The following RGS7BP variants were observed in gnomAD, a reference collection of about 807,000 sequenced individuals.
RGS7BP encodes the protein regulator of G protein signaling 7 binding protein.
In RGS7BP, 9 loss-of-function variants were observed where a neutral mutation model predicts 31.3. That is an observed-to-expected ratio of 0.29 (90% CI 0.17 to 0.50). The LOEUF (loss-of-function observed/expected upper bound fraction) is 0.50. Among genes scored for constraint, RGS7BP ranks in the 20% least tolerant of loss-of-function variants. The pLI is 0.98. For synonymous variants in RGS7BP, 115 were observed against 120.1 expected (o/e 0.96, Z 0.28); for missense variants, 274 against 322.0 (o/e 0.85, Z 1.14).
intron 3 of RGS7BP, among the ~76,000 whole-genome samples, chr5:64,576,422 A>G (rs1347539402): frequency 6.6e-6 from 1 of 152,230 alleles, no homozygotes; most frequent in African/African-American, 2.4e-5. Flanking sequence ...TCATGGCTTC[A>G]GCATGATTTC....
At chr5:64,575,627 T>G in intron 2 of RGS7BP, 147 bp from the exon 3 acceptor site, 1 of 1,341,090 alleles carries the variant, frequency 7.5e-7, no homozygotes, top group Non-Finnish European at 9.6e-7. Flanking sequence ...ACATTGGTCA[T>G]TGGTTTGAAA....
At position 64,575,614 on chromosome 5, in the gene RGS7BP, G is replaced by A. The variant is rs1334381895; in HGVS notation, c.333-160G>A. Reference sequence around the variant, plus strand: ...TCAGAAAGAGACTTACATAAGAACTGTCACATTGGTCATTGGTTTGAAAGC... The same window carrying A: ...TCAGAAAGAGACTTACATAAGAACTATCACATTGGTCATTGGTTTGAAAGC... On this transcript the variant is annotated intron_variant, in intron 2 of 5. Coordinates refer to ENST00000334025, the MANE Select transcript of RGS7BP (RefSeq NM_001029875.3). The A allele has an allele frequency of 2.3e-6, 3 of 1,312,186 alleles. No homozygotes were observed. The African/African-American group carries it at 4.6e-5, about 20-fold the overall frequency. 81.3% of individuals were successfully genotyped at this position (1,312,186 alleles called of 1,614,324 possible). A position where few individuals can be genotyped will look rare whatever the true frequency, so the allele number is the denominator to read the frequency against.
At chr5:64,528,964 A>G (rs1220114215) in intron 2 of RGS7BP, among the ~76,000 whole-genome samples, 1 of 152,146 alleles carries the variant, frequency 6.6e-6, no homozygotes, top group African/African-American at 2.4e-5. Flanking sequence ...GCCAGCTATT[A>G]TTATTATTAC....
intron 1 of RGS7BP, among the ~76,000 whole-genome samples, chr5:64,507,234 G>A (rs1205344336): frequency 1.3e-5 from 2 of 152,188 alleles, no homozygotes; most frequent in African/African-American, 2.4e-5. Flanking sequence ...CCGTCAGGCC[G>A]TCAGGCCGAG....
At chr5:64,579,097 C>T (rs1424437883) in intron 3 of RGS7BP, among the ~76,000 whole-genome samples, 3 of 152,134 alleles carry the variant, frequency 2.0e-5, no homozygotes, top group African/African-American at 7.2e-5. Context: ...TCTTGTGTTT[C>T]CAGAATGCAA....
intron 3 of RGS7BP, among the ~76,000 whole-genome samples, chr5:64,586,027 C>A (rs754279258): frequency 6.6e-6 from 1 of 152,080 alleles, no homozygotes; most frequent in Non-Finnish European, 1.5e-5. Context: ...TTTAAATGTA[C>A]AACAACTCCC....
intron 2 of RGS7BP, among the ~76,000 whole-genome samples, chr5:64,529,024 C>T (rs995825273): frequency 6.6e-6 from 1 of 151,930 alleles, no homozygotes. Flanking sequence ...ATTGATAACA[C>T]TTTTATTGTA....
chr5:64,533,560 C>T (rs922282471), intron 2 of RGS7BP, among the ~76,000 whole-genome samples: 2 of 152,128 alleles, frequency 1.3e-5, no homozygotes, highest in Admixed American at 1.3e-4. Flanking sequence ...GAGGTGATCC[C>T]AATGGACAAA....
intron 2 of RGS7BP, among the ~76,000 whole-genome samples, chr5:64,545,554 G>A (rs1239680771): frequency 2.0e-5 from 3 of 152,156 alleles, no homozygotes. Flanking sequence ...TGAAAAGGGG[G>A]CAAAACTTAG....
rs981426067 is a variant in RGS7BP, at chr5:64,544,660, C to T, written c.333-31114C>T. On this transcript the variant is annotated intron_variant, in intron 2 of 5. Transcript: ENST00000334025. ...CTGCACTCCAGCCGGGGCAACCAAG[C>T]GAGACCCTGTCTCTTAAGAAGAAGA... Among the ~76,000 whole-genome samples, 7 of 150,584 alleles carry T rather than the reference C, an allele frequency of 4.6e-5. 1 individual carries two copies. In the South Asian group the frequency reaches 8.4e-4, roughly 18 times the overall value.
chr5:64,576,548 A>G (rs1460062878), intron 3 of RGS7BP, among the ~76,000 whole-genome samples: 1 of 152,216 alleles, frequency 6.6e-6, no homozygotes, highest in Non-Finnish European at 1.5e-5. Context: ...ACACATCTGC[A>G]CACCACACTG....
chr5:64,572,876 G>T (rs1742330959), intron 2 of RGS7BP, among the ~76,000 whole-genome samples: 2 of 149,148 alleles, frequency 1.3e-5, no homozygotes, highest in Non-Finnish European at 3.0e-5. Context: ...GTGCAGGTTT[G>T]TTACATATGT....
At chr5:64,517,541 A>G (rs1398285563) in intron 2 of RGS7BP, among the ~76,000 whole-genome samples, 1 of 152,182 alleles carries the variant, frequency 6.6e-6, no homozygotes, top group Non-Finnish European at 1.5e-5. Context: ...TCATCTACAT[A>G]TATGGTTTCT....
At chr5:64,522,918 T>C (rs1749144008) in intron 2 of RGS7BP, among the ~76,000 whole-genome samples, 1 of 152,290 alleles carries the variant, frequency 6.6e-6, no homozygotes, top group Non-Finnish European at 1.5e-5. Flanking sequence ...GTCAGCATTA[T>C]AAAGGCATTC....
intron 3 of RGS7BP, among the ~76,000 whole-genome samples, chr5:64,580,163 A>G (rs1053457878): frequency 3.3e-5 from 5 of 152,190 alleles, no homozygotes; most frequent in Admixed American, 3.3e-4. Context: ...GTATTAAACT[A>G]TAACAGAAGA....
chr5:64,535,709 T>C (rs1580406600), intron 2 of RGS7BP, among the ~76,000 whole-genome samples: 2 of 152,324 alleles, frequency 1.3e-5, no homozygotes, highest in South Asian at 4.1e-4. Context: ...AACTAGATTT[T>C]CACTCTCCTT....
At chr5:64,531,381 G>A (rs272638) in intron 2 of RGS7BP, among the ~76,000 whole-genome samples, 105,616 of 152,066 alleles carry the variant, frequency 0.69, 37,505 homozygotes, top group East Asian at 0.95. Context: ...GTAAATAACA[G>A]AGTCATTGGA....
At chr5:64,536,401 G>A (rs188622876) in intron 2 of RGS7BP, among the ~76,000 whole-genome samples, 266 of 152,242 alleles carry the variant, frequency 1.7e-3, no homozygotes, top group African/African-American at 6.3e-3. Context: ...ATGTTAACTA[G>A]GGTGATTATG....
rs530630818 is a variant in RGS7BP at position 64,543,864 on chromosome 5, A to G, written c.333-31910A>G. On this transcript the variant is annotated intron_variant, in intron 2 of 5. Coordinates refer to ENST00000334025, the MANE Select transcript of RGS7BP (RefSeq NM_001029875.3). The stretch of plus-strand genomic sequence containing the variant: ...AAGGGCAGAGGCCATTAAACTGTAG[A>G]CTTCAATCACTAACTTTAGAGCCTG... Among the ~76,000 whole-genome samples the G allele has an allele frequency of 9.2e-5, 14 of 152,364 alleles. 1 individual carries two copies. The South Asian group carries it at 2.9e-3, about 32-fold the overall frequency.
Sources: gnomAD v4.1 joint callset for allele counts (sites outside exome capture counted in the v4.1 genomes callset) on GRCh38, gnomAD v4.1.1 for gene constraint, MANE v1.5 for transcripts, NCBI Gene and HGNC (gene_info 2026-07-23, HGNC 2026-07-21) for gene names.